STAB2: variants seen among roughly 807,000 people sequenced by gnomAD.
The protein encoded by STAB2 is stabilin 2.
Under a neutral mutation model 338.1 loss-of-function variants are expected in STAB2, and 288 were observed. The ratio of observed to expected loss-of-function variants is 0.85; its 90% CI spans 0.77 to 0.94. The LOEUF is 0.94. Ranked by LOEUF, STAB2 falls within the 40% of genes least tolerant of loss-of-function variation. The pLI, the probability that STAB2 is intolerant of heterozygous loss-of-function variation, is 0.00. For missense variants in STAB2, 3,141 were observed against 3,210.1 expected, an observed-to-expected ratio of 0.98 and a Z score of 0.52; for synonymous variants, 1,202 against 1,193.3, an observed-to-expected ratio of 1.01 and a Z score of -0.15.
At chr12:103,605,868 G>A (rs1957020620) in intron 3 of STAB2, among the ~76,000 whole-genome samples, 1 of 151,508 alleles carries the variant, frequency 6.6e-6, no homozygotes, top group African/African-American at 2.4e-5. Context: ...ATACAATTTT[G>A]TAGGCAGCAT....
intron 3 of STAB2, among the ~76,000 whole-genome samples, chr12:103,616,908 T>C (rs1028723609): frequency 2.4e-4 from 36 of 152,200 alleles, no homozygotes; most frequent in African/African-American, 8.7e-4. Flanking sequence ...GCTGAGTTGG[T>C]TTTCAGATTG....
intron 12 of STAB2, among the ~76,000 whole-genome samples, chr12:103,653,732 A>ATGGATGGATGGT (rs1468393327): frequency 6.7e-6 from 1 of 148,772 alleles, no homozygotes; most frequent in Non-Finnish European, 1.5e-5. Context: ...GGATGGATGG[A>ATGGATGGATGGT]TGGATGGATG....
chr12:103,679,308 C>T (rs548077127), intron 25 of STAB2, among the ~76,000 whole-genome samples: 38 of 151,766 alleles, frequency 2.5e-4, no homozygotes, highest in South Asian at 1.7e-3. Context: ...GTGGAGGTTG[C>T]GGTGAACTGA....
chr12:103,710,091 C>T (rs149922531), intron 39 of STAB2, among the ~76,000 whole-genome samples: 293 of 152,298 alleles, frequency 1.9e-3, no homozygotes, highest in African/African-American at 6.5e-3. Flanking sequence ...TCCTATCTTC[C>T]TCCACTCCGT....
chr12:103,637,525 A>T (rs1214774100), intron 7 of STAB2, among the ~76,000 whole-genome samples: 16 of 152,200 alleles, frequency 1.1e-4, no homozygotes, highest in Middle Eastern at 3.2e-3. Flanking sequence ...CTTTATAAAA[A>T]GCTGTATTAT....
rs529315695 is a variant in STAB2, at chr12:103,674,022, C to T, written c.2487C>T (p.Ala829=). The part of the protein sequence containing the change: ...AGRLCDKQTS[A]CGPYVQFCHI... ...GACTCTGTGATAAGCAGACCTCAGCCTGTGGGCCCTACGTGCAGTTCTGTC... is the reference window on the plus strand; with the variant it reads ...GACTCTGTGATAAGCAGACCTCAGCTTGTGGGCCCTACGTGCAGTTCTGTC... The change falls in exon 23 of 69, where the codon GCC becomes GCT. Residue 829 remains alanine (A), a synonymous_variant. Coordinates refer to ENST00000388887, the MANE Select transcript of STAB2 (RefSeq NM_017564.10). 14 of 1,614,114 alleles carry T rather than the reference C, an allele frequency of 8.7e-6. No homozygotes were observed. The East Asian group carries it at 3.1e-4, about 36-fold the overall frequency.
At chr12:103,737,609 T>TCTCTC (rs1191150437) in intron 52 of STAB2, 25 bp from the exon 53 acceptor site, 1 of 682,264 alleles carries the variant, frequency 1.5e-6, no homozygotes, top group African/African-American at 3.5e-5. Context: ...TCTTTCTCTT[T>TCTCTC]TTTTTTTTTT....
At chr12:103,763,658 A>T in intron 68 of STAB2, 50 bp downstream of exon 68, 1 of 1,498,730 alleles carries the variant, frequency 6.7e-7, no homozygotes, top group Non-Finnish European at 9.2e-7. Flanking sequence ...GTACAGGGGA[A>T]TGATGTCTTT....
rs930430798 is a variant in STAB2, at chr12:103,637,239, G to C, written c.709+3G>C. ...AGGCGATGGCAAATACTGCGACCGT[G>C]AGTAGAATTTAGATTCTGCTAGTTT... On this transcript the variant is annotated splice_donor_region_variant and intron_variant, in intron 7 of 68. Transcript: ENST00000388887. 6 of 1,608,892 alleles carry C rather than the reference G, an allele frequency of 3.7e-6. No homozygotes were observed. The East Asian group carries it at 1.3e-4, about 36-fold the overall frequency.
At position 103,749,111 on chromosome 12, in the gene STAB2, T is replaced by C. The variant is rs1230014929; in HGVS notation, c.6393T>C (p.Leu2131=). The part of the protein sequence containing the change: ...CTEIDPCADG[L]NGGCHEHATC... ...AGATAGACCCCTGTGCAGACGGCCT[T>C]AACGGAGGGTGTCACGAGCACGCCA... is the stretch of plus-strand genomic sequence containing the variant. The change falls in exon 59 of 69, where the codon CTT becomes CTC. Residue 2131 remains leucine (L), a synonymous_variant. Coordinates refer to ENST00000388887, the MANE Select transcript of STAB2 (RefSeq NM_017564.10). 1.2e-6 allele frequency: 2 copies of C among 1,611,734 alleles called. No homozygotes were observed. The highest frequency in any genetic ancestry group is 2.7e-5 in the African/African-American group (2 of 74,870).
At chr12:103,649,780 T>G (rs961470144) in intron 10 of STAB2, among the ~76,000 whole-genome samples, 1 of 152,180 alleles carries the variant, frequency 6.6e-6, no homozygotes, top group African/African-American at 2.4e-5. Flanking sequence ...ACCAGTTTCC[T>G]CACAGCCTTA....
At chr12:103,761,160 G>A in intron 65 of STAB2, 140 bp from the exon 66 acceptor site, 1 of 695,042 alleles carries the variant, frequency 1.4e-6, no homozygotes, top group Non-Finnish European at 2.5e-6. Flanking sequence ...AGAGGGTGAG[G>A]AGAAGTCCTG....
At chr12:103,703,426 C>A in intron 35 of STAB2, 150 bp downstream of exon 35, 1 of 1,045,516 alleles carries the variant, frequency 9.6e-7, no homozygotes, top group Non-Finnish European at 1.4e-6. Context: ...AAGGAGCATA[C>A]CAGGCTGTGG....
In STAB2 at chr12:103,733,074, C is replaced by G. The variant is rs899475829; in HGVS notation, c.5352C>G (p.Asp1784Glu). The G allele has an allele frequency of 6.2e-7, 1 of 1,614,172 alleles. No homozygotes were observed. Among genetic ancestry groups the G allele is most frequent in the Non-Finnish European group, 8.5e-7 (1 of 1,180,016 alleles). Residue 1784 changes from aspartate to glutamate, a missense_variant, in exon 51 of 69, where the codon GAC (aspartate) becomes GAG (glutamate). Physicochemically the swap from Asp to Glu is conservative, Grantham distance 45 (BLOSUM62 2). Coordinates refer to ENST00000388887, the MANE Select transcript of STAB2 (RefSeq NM_017564.10). ...HTPVTLFWPT[D>E]QALHALPAEQ... is the part of the protein sequence containing the mutation. ...CAGTCACTCTCTTCTGGCCCACCGA[C>G]CAAGCCCTCCATGCCCTACCTGCTG... is the stretch of plus-strand genomic sequence containing the variant.
At chr12:103,652,769 TTCTC>T (rs1873841493) in intron 12 of STAB2, 64 bp downstream of exon 12, 11 of 1,435,080 alleles carry the variant, frequency 7.7e-6, no homozygotes, top group Non-Finnish European at 1.0e-5. Context: ...GCCCATATCC[TTCTC>T]TCTCTTTTTG....
chr12:103,670,382 G>T (rs914071113), intron 21 of STAB2, among the ~76,000 whole-genome samples: 2 of 152,150 alleles, frequency 1.3e-5, no homozygotes, highest in African/African-American at 4.8e-5. Flanking sequence ...GACTGTAAAG[G>T]GAGGCTAGTC....
intron 50 of STAB2, among the ~76,000 whole-genome samples, chr12:103,732,796 C>T (rs545951628): frequency 6.6e-6 from 1 of 152,138 alleles, no homozygotes; most frequent in African/African-American, 2.4e-5. Flanking sequence ...CAGAGTGAGA[C>T]CCTGTCTCAA....
chr12:103,688,960 G>A (rs1275099415), intron 28 of STAB2, among the ~76,000 whole-genome samples: 1 of 151,960 alleles, frequency 6.6e-6, no homozygotes, highest in Non-Finnish European at 1.5e-5. Flanking sequence ...AGCCCTGGTG[G>A]GAGTATTTAC....
chr12:103,744,563 C>T (rs986932624), intron 56 of STAB2, among the ~76,000 whole-genome samples: 1 of 150,786 alleles, frequency 6.6e-6, no homozygotes, highest in African/African-American at 2.5e-5. Flanking sequence ...ACATCTTGGG[C>T]TCAAGCAGTC....
Sources: allele counts gnomAD v4.1 joint callset (sites outside exome capture counted in the v4.1 genomes callset), GRCh38; gene constraint gnomAD v4.1.1; transcripts MANE v1.5; gene names NCBI Gene and HGNC (gene_info 2026-07-23, HGNC 2026-07-21).